Variants in P2RY14 observed in about 807,000 individuals in gnomAD.
P2RY14 encodes the protein P2Y purinoceptor 14.
A neutral mutation model predicts 0.9 loss-of-function variants in P2RY14; 2 were observed. That is an observed-to-expected ratio of 2.16 (90% CI 0.88 to 6.79). The LOEUF is 6.79. Ranked by LOEUF, P2RY14 falls within the 30% of genes most tolerant of loss-of-function variation. The probability of loss-of-function intolerance (pLI) is 0.05; values close to 1 mark genes in which losing one functional copy is unlikely to be tolerated. For synonymous variants in P2RY14, 158 were observed against 147.2 expected (o/e 1.07, Z -0.53); for missense variants, 378 against 400.1 (o/e 0.94, Z 0.47).
At chr3:151,221,344 C>T (rs1467720193) in intron 1 of P2RY14, among the ~76,000 whole-genome samples, 1 of 152,190 alleles carries the variant, frequency 6.6e-6, no homozygotes, top group African/African-American at 2.4e-5. Context: ...AAGCCGGCTG[C>T]AGAAGTTTGC....
intron 2 of P2RY14, among the ~76,000 whole-genome samples, chr3:151,216,659 A>G (rs183745093): frequency 1.1e-4 from 16 of 152,184 alleles, no homozygotes; most frequent in African/African-American, 3.9e-4. Context: ...CACTAGCACT[A>G]TTCTTCCTCT....
chr3:151,222,182 T>G (rs1305507882), intron 1 of P2RY14, among the ~76,000 whole-genome samples: 2 of 152,230 alleles, frequency 1.3e-5, no homozygotes, highest in Non-Finnish European at 2.9e-5. Flanking sequence ...TACTGCATTG[T>G]ATCTAGGAAG....
chr3:151,276,466 G>T (rs1438247057), intron 1 of P2RY14, among the ~76,000 whole-genome samples: 1 of 152,188 alleles, frequency 6.6e-6, no homozygotes, highest in Non-Finnish European at 1.5e-5. Flanking sequence ...GCTTGTGTTG[G>T]TGTCAGCCTA....
intron 1 of P2RY14, among the ~76,000 whole-genome samples, chr3:151,236,323 T>C (rs886396845): frequency 2.0e-5 from 3 of 152,246 alleles, no homozygotes; most frequent in Non-Finnish European, 2.9e-5. Flanking sequence ...TCAATGTGCA[T>C]AGTAGATTAA....
At chr3:151,215,817 C>T (rs1462931761) in intron 2 of P2RY14, among the ~76,000 whole-genome samples, 1 of 152,178 alleles carries the variant, frequency 6.6e-6, no homozygotes, top group Non-Finnish European at 1.5e-5. Context: ...CTGCTTCCTC[C>T]ACCCCCAGCA....
intron 1 of P2RY14, among the ~76,000 whole-genome samples, chr3:151,246,937 A>G (rs1385253260): frequency 1.3e-5 from 2 of 152,108 alleles, no homozygotes; most frequent in Non-Finnish European, 2.9e-5. Context: ...AAAACAAACA[A>G]CCCCATCAAA....
intron 1 of P2RY14, among the ~76,000 whole-genome samples, chr3:151,274,140 C>G (rs1349735440): frequency 6.6e-6 from 1 of 152,194 alleles, no homozygotes; most frequent in Non-Finnish European, 1.5e-5. Flanking sequence ...GAAAAAAGGC[C>G]TCGCTGCCAC....
At chr3:151,219,111 G>A (rs1728819057) in intron 2 of P2RY14, among the ~76,000 whole-genome samples, 1 of 152,150 alleles carries the variant, frequency 6.6e-6, no homozygotes, top group Non-Finnish European at 1.5e-5. Context: ...TGTAGTGGGA[G>A]CATTGTGTAG....
At chr3:151,264,148 G>A (rs1739410870) in intron 1 of P2RY14, among the ~76,000 whole-genome samples, 2 of 152,196 alleles carry the variant, frequency 1.3e-5, no homozygotes, top group Non-Finnish European at 2.9e-5. Flanking sequence ...TCATTGTTCA[G>A]TGTTTAAAGA....
chr3:151,268,938 G>A (rs776531262), intron 1 of P2RY14, among the ~76,000 whole-genome samples: 6 of 152,158 alleles, frequency 3.9e-5, no homozygotes, highest in Admixed American at 6.5e-5. Context: ...TTTTCTGAGC[G>A]TCTTCCTGAC....
rs1741216251 is a variant in P2RY14 at position 151,272,909 on chromosome 3, T to C, written c.-133+5378A>G. Among the ~76,000 whole-genome samples, 5 of 152,206 alleles carry C rather than the reference T, an allele frequency of 3.3e-5. No individual in the cohort carries two copies. In the South Asian group the frequency reaches 1.0e-3, roughly 31 times the overall value. ...TTAAGGAACACACTGGAATTTTGAA[T>C]ACAAGTTGAGTATCCCTAATCCCAA... is the stretch of plus-strand genomic sequence containing the variant. On this transcript the variant is annotated intron_variant, in intron 1 of 2. Transcript: ENST00000309170.
chr3:151,247,047 C>G (rs145184969), intron 1 of P2RY14, among the ~76,000 whole-genome samples: 1 of 152,076 alleles, frequency 6.6e-6, no homozygotes, highest in South Asian at 2.1e-4. Context: ...GAAATGCAAA[C>G]CAAAACCACA....
At chr3:151,267,860 G>A (rs1740136981) in intron 1 of P2RY14, among the ~76,000 whole-genome samples, 1 of 152,158 alleles carries the variant, frequency 6.6e-6, no homozygotes, top group African/African-American at 2.4e-5. Flanking sequence ...GGAAACAGCT[G>A]TCAAAATACA....
chr3:151,267,197 C>T (rs375103597), intron 1 of P2RY14, among the ~76,000 whole-genome samples: 1 of 152,228 alleles, frequency 6.6e-6, no homozygotes, highest in Non-Finnish European at 1.5e-5. Flanking sequence ...GACAGTATTC[C>T]TTACTGGGAG....
intron 1 of P2RY14, among the ~76,000 whole-genome samples, chr3:151,234,297 A>G (rs144024691): frequency 1.2e-3 from 179 of 152,366 alleles, no homozygotes; most frequent in African/African-American, 3.9e-3. Flanking sequence ...AGTGGTCCTG[A>G]CAAGATAGGA....
At chr3:151,227,564 G>A (rs1167441843) in intron 1 of P2RY14, among the ~76,000 whole-genome samples, 1 of 152,208 alleles carries the variant, frequency 6.6e-6, no homozygotes, top group Non-Finnish European at 1.5e-5. Flanking sequence ...AAGAACTCCA[G>A]CCTGTCTTCA....
At chr3:151,242,951 G>A (rs1348225340) in intron 1 of P2RY14, among the ~76,000 whole-genome samples, 3 of 151,392 alleles carry the variant, frequency 2.0e-5, no homozygotes, top group African/African-American at 7.3e-5. Context: ...ACCAAGGCTC[G>A]AGAACTACGT....
intron 1 of P2RY14, among the ~76,000 whole-genome samples, chr3:151,253,806 A>G (rs1737284107): frequency 1.3e-5 from 2 of 152,086 alleles, no homozygotes; most frequent in Admixed American, 6.6e-5. Flanking sequence ...TCTGGGCTTG[A>G]AACATTGTCC....
chr3:151,272,017 A>G (rs1012257920), intron 1 of P2RY14, among the ~76,000 whole-genome samples: 4 of 152,200 alleles, frequency 2.6e-5, no homozygotes, highest in African/African-American at 9.7e-5. Context: ...AAATTAGGGG[A>G]AAAAGTCAAA....
Sources: gnomAD v4.1 joint callset for allele counts (sites outside exome capture counted in the v4.1 genomes callset) on GRCh38, gnomAD v4.1.1 for gene constraint, MANE v1.5 for transcripts, NCBI Gene and HGNC (gene_info 2026-07-23, HGNC 2026-07-21) for gene names.